The following SPON1 variants were observed in gnomAD, a reference collection of about 807,000 sequenced individuals.
The protein encoded by SPON1 is spondin-1.
In SPON1, 52 loss-of-function variants were observed where a neutral mutation model predicts 111.7. The ratio of observed to expected loss-of-function variants is 0.47; its 90% CI spans 0.37 to 0.59. The LOEUF is 0.59. Ranked by LOEUF, SPON1 falls within the 20% of genes least tolerant of loss-of-function variation. The pLI is 0.00. For synonymous variants in SPON1, 410 were observed against 395.8 expected (o/e 1.04, Z -0.43); for missense variants, 957 against 1,068.5 (o/e 0.90, Z 1.46).
intron 6 of SPON1, among the ~76,000 whole-genome samples, chr11:14,140,703 T>G (rs1481446667): frequency 1.3e-5 from 2 of 152,148 alleles, no homozygotes. Context: ...CCTCAGTAGT[T>G]TTTTTTCTTT....
chr11:14,154,201 A>C (rs1847816159), intron 6 of SPON1, among the ~76,000 whole-genome samples: 1 of 152,214 alleles, frequency 6.6e-6, no homozygotes, highest in Non-Finnish European at 1.5e-5. Context: ...GCAGTGCCCC[A>C]GTAAGGATAC....
At chr11:14,168,502 T>C (rs1299664742) in intron 6 of SPON1, among the ~76,000 whole-genome samples, 1 of 152,158 alleles carries the variant, frequency 6.6e-6, no homozygotes, top group Non-Finnish European at 1.5e-5. Context: ...TTTCTTTTTT[T>C]TTCTTTTATT....
rs1554921316 is a variant in SPON1 at position 14,075,341 on chromosome 11, A to G, written c.480-4A>G. 1 of 1,556,052 alleles carries G rather than the reference A, an allele frequency of 6.4e-7. No homozygotes were observed. Among genetic ancestry groups the G allele is most frequent in the Admixed American group, 1.9e-5 (1 of 51,576 alleles). ...CACTGTGCTTGGGTCTTCTTTCTTC[A>G]CAGGGCCAGCATCGTACAAAAACGC... On this transcript the variant is annotated splice_region_variant and splice_polypyrimidine_tract_variant and intron_variant, in intron 3 of 15. Transcript: ENST00000576479.
At chr11:14,177,756 A>G (rs1355788445) in intron 6 of SPON1, among the ~76,000 whole-genome samples, 1 of 152,180 alleles carries the variant, frequency 6.6e-6, no homozygotes, top group Non-Finnish European at 1.5e-5. Flanking sequence ...GTCTTTGTTT[A>G]AACTATAGAC....
At chr11:14,248,272 G>C (rs902668864) in intron 7 of SPON1, among the ~76,000 whole-genome samples, 10 of 152,192 alleles carry the variant, frequency 6.6e-5, no homozygotes, top group African/African-American at 2.4e-4. Flanking sequence ...AGAGCATGAG[G>C]TTATGGAGTC....
At chr11:14,005,942 AC>A (rs1486942600) in intron 2 of SPON1, among the ~76,000 whole-genome samples, 2 of 152,172 alleles carry the variant, frequency 1.3e-5, no homozygotes, top group African/African-American at 4.8e-5. Flanking sequence ...TAATAATATT[AC>A]CCACTTTGGA....
chr11:14,150,389 G>A (rs1406075245), intron 6 of SPON1, among the ~76,000 whole-genome samples: 2 of 151,876 alleles, frequency 1.3e-5, no homozygotes, highest in Admixed American at 6.6e-5. Flanking sequence ...AAGTTCCAAT[G>A]TCACTGGAGC....
At chr11:14,136,111 G>A (rs1399750746) in intron 6 of SPON1, among the ~76,000 whole-genome samples, 1 of 152,190 alleles carries the variant, frequency 6.6e-6, no homozygotes, top group African/African-American at 2.4e-5. Context: ...TGTGAGATAA[G>A]GGAGAAAAAG....
intron 6 of SPON1, among the ~76,000 whole-genome samples, chr11:14,219,403 GC>G (rs1364563231): frequency 6.6e-6 from 1 of 152,088 alleles, no homozygotes; most frequent in Non-Finnish European, 1.5e-5. Context: ...ATGGTGAAAG[GC>G]CCCCATAATG....
At chr11:14,254,459 C>A in intron 7 of SPON1, 69 bp from the exon 8 acceptor site, 1 of 1,338,106 alleles carries the variant, frequency 7.5e-7, no homozygotes, top group South Asian at 1.4e-5. Context: ...ATAATCCAGG[C>A]AGATTTCCCT....
chr11:14,151,126 A>G (rs1283032429), intron 6 of SPON1, among the ~76,000 whole-genome samples: 2 of 152,168 alleles, frequency 1.3e-5, no homozygotes, highest in Non-Finnish European at 2.9e-5. Flanking sequence ...ATGCGAATGC[A>G]TTGTTCATTT....
At chr11:14,053,350 C>CT (rs1554918820) in intron 3 of SPON1, among the ~76,000 whole-genome samples, 2 of 152,178 alleles carry the variant, frequency 1.3e-5, no homozygotes, top group Non-Finnish European at 2.9e-5. Context: ...CATTCCGGCT[C>CT]TATGGACTTA....
In SPON1 at chr11:14,111,344, G is replaced by T. The variant is rs530870449; in HGVS notation, c.677-24076G>T. 5.6e-4 allele frequency among the ~76,000 whole-genome samples: 86 copies of T among 152,274 alleles called. No individual in the cohort carries two copies. The South Asian group carries it at 0.017, about 30-fold the overall frequency. On this transcript the variant is annotated intron_variant, in intron 5 of 15. Transcript: ENST00000576479. ...CTATGATTTTATGGCAGACTCTCAA[G>T]AAAGGCATTAGAGTTGGTTGGGACT...
chr11:14,158,453 C>T (rs1047531889), intron 6 of SPON1, among the ~76,000 whole-genome samples: 1 of 152,186 alleles, frequency 6.6e-6, no homozygotes, highest in Non-Finnish European at 1.5e-5. Flanking sequence ...CAGTGCCAAA[C>T]ATCAGGCTCA....
At chr11:14,242,527 C>A (rs1554939792) in intron 6 of SPON1, among the ~76,000 whole-genome samples, 1 of 152,206 alleles carries the variant, frequency 6.6e-6, no homozygotes, top group African/African-American at 2.4e-5. Flanking sequence ...GAACTTGGAC[C>A]TGTGGAGGCC....
intron 1 of SPON1, among the ~76,000 whole-genome samples, chr11:13,965,932 C>T (rs1848012604): frequency 6.6e-6 from 1 of 152,124 alleles, no homozygotes; most frequent in Non-Finnish European, 1.5e-5. Flanking sequence ...GAATCAATGA[C>T]TTGTTTTCCT....
At chr11:14,156,569 C>T (rs1266445277) in intron 6 of SPON1, among the ~76,000 whole-genome samples, 1 of 151,640 alleles carries the variant, frequency 6.6e-6, no homozygotes, top group Non-Finnish European at 1.5e-5. Context: ...AGTCCTTGCC[C>T]ATGCCTATCT....
chr11:14,141,077 G>A (rs1276428963), intron 6 of SPON1, among the ~76,000 whole-genome samples: 1 of 136,322 alleles, frequency 7.3e-6, no homozygotes, highest in Non-Finnish European at 1.5e-5. Flanking sequence ...CTCCATGCAT[G>A]GGCTTCTAAA....
chr11:14,242,482 T>C (rs570162338), intron 6 of SPON1, among the ~76,000 whole-genome samples: 1 of 152,288 alleles, frequency 6.6e-6, no homozygotes, highest in African/African-American at 2.4e-5. Flanking sequence ...CAGGACCAGC[T>C]GACTCCACTC....
Sources: gnomAD v4.1 joint callset for allele counts (sites outside exome capture counted in the v4.1 genomes callset) on GRCh38, gnomAD v4.1.1 for gene constraint, MANE v1.5 for transcripts, NCBI Gene and HGNC (gene_info 2026-07-23, HGNC 2026-07-21) for gene names.